Variants in CA10 observed in about 807,000 individuals in gnomAD.
CA10 encodes the protein carbonic anhydrase 10 (inactive), also known as carbonic anhydrase-related protein 10.
Under a neutral mutation model 44.2 loss-of-function variants are expected in CA10, and 14 were observed. The observed-to-expected ratio is 0.32, with a 90% CI of 0.21 to 0.50. The LOEUF is 0.50. Among genes scored for constraint, CA10 ranks in the 20% least tolerant of loss-of-function variants. The pLI, the probability that CA10 is intolerant of heterozygous loss-of-function variation, is 0.99. For synonymous variants in CA10, 159 were observed against 141.6 expected, an observed-to-expected ratio of 1.12 and a Z score of -0.87; for missense variants, 350 against 409.7, an observed-to-expected ratio of 0.85 and a Z score of 1.26.
intron 3 of CA10, among the ~76,000 whole-genome samples, chr17:51,858,543 T>A (rs568178893): frequency 5.8e-4 from 89 of 152,322 alleles, no homozygotes; most frequent in Middle Eastern, 3.4e-3. Context: ...ATAAAAGTTG[T>A]TTACAAGGGC....
chr17:51,709,020 T>G (rs1231347604), intron 4 of CA10, among the ~76,000 whole-genome samples: 2 of 152,232 alleles, frequency 1.3e-5, no homozygotes, highest in African/African-American at 4.8e-5. Flanking sequence ...TGTGAGTCAG[T>G]ACTCCTTAAT....
chr17:51,723,574 A>T (rs55884938), intron 4 of CA10, among the ~76,000 whole-genome samples: 58,480 of 151,930 alleles, frequency 0.38, 11,827 homozygotes, highest in Middle Eastern at 0.5. Context: ...AACATTGTAT[A>T]ATATCAAGGA....
At chr17:52,095,011 A>G (rs1988368679) in intron 1 of CA10, among the ~76,000 whole-genome samples, 1 of 152,210 alleles carries the variant, frequency 6.6e-6, no homozygotes, top group African/African-American at 2.4e-5. Flanking sequence ...ACTAAAACAC[A>G]TGTACAAGAA....
chr17:51,947,517 G>T (rs1983328733), intron 2 of CA10, among the ~76,000 whole-genome samples: 1 of 152,166 alleles, frequency 6.6e-6, no homozygotes, highest in Admixed American at 6.5e-5. Context: ...CCAGCAAACA[G>T]ACAGATGTTT....
chr17:51,756,766 G>A (rs1905093501), intron 3 of CA10, among the ~76,000 whole-genome samples: 1 of 152,134 alleles, frequency 6.6e-6, no homozygotes, highest in African/African-American at 2.4e-5. Flanking sequence ...GTGAGCCACT[G>A]TGCCCAGCCA....
intron 1 of CA10, among the ~76,000 whole-genome samples, chr17:52,103,217 C>G (rs1293668656): frequency 6.6e-6 from 1 of 152,204 alleles, no homozygotes; most frequent in Non-Finnish European, 1.5e-5. Flanking sequence ...GACTTCTCCA[C>G]TATTTAGCGC....
At chr17:52,017,729 G>A (rs1231948653) in intron 2 of CA10, among the ~76,000 whole-genome samples, 1 of 152,082 alleles carries the variant, frequency 6.6e-6, no homozygotes, top group Non-Finnish European at 1.5e-5. Flanking sequence ...CAGGAGAATA[G>A]ACCAAGCAGG....
intron 4 of CA10, 121 bp from the exon 5 acceptor site, chr17:51,653,857 A>T (rs1597964872): frequency 3.0e-6 from 2 of 660,536 alleles, no homozygotes; most frequent in East Asian, 5.4e-5. Context: ...TTGGAAGACA[A>T]TTTTAATTGA....
chr17:51,813,824 A>G (rs1907466759), intron 3 of CA10, among the ~76,000 whole-genome samples: 1 of 152,208 alleles, frequency 6.6e-6, no homozygotes, highest in Non-Finnish European at 1.5e-5. Flanking sequence ...TACTTTGTAG[A>G]TAGGAGAATA....
At chr17:51,874,721 A>T (rs1979975751) in intron 3 of CA10, among the ~76,000 whole-genome samples, 1 of 152,232 alleles carries the variant, frequency 6.6e-6, no homozygotes, top group South Asian at 2.1e-4. Flanking sequence ...CCACTGCAAG[A>T]TTATTACAAA....
intron 1 of CA10, among the ~76,000 whole-genome samples, chr17:52,125,781 G>A (rs1397524742): frequency 6.6e-6 from 1 of 151,770 alleles, no homozygotes; most frequent in East Asian, 1.9e-4. Context: ...CATCTTTTCA[G>A]GTTCCATTCT....
At chr17:51,916,143 C>CAG (rs1981989699) in intron 3 of CA10, among the ~76,000 whole-genome samples, 1 of 141,314 alleles carries the variant, frequency 7.1e-6, no homozygotes, top group African/African-American at 2.6e-5. Context: ...CTGCTGGAAA[C>CAG]AGTGTCATTG....
At chr17:51,834,114 A>G (rs1276001492) in intron 3 of CA10, among the ~76,000 whole-genome samples, 3 of 152,228 alleles carry the variant, frequency 2.0e-5, no homozygotes, top group Non-Finnish European at 4.4e-5. Context: ...GTTCAGCATC[A>G]TTAGGGGAAG....
chr17:51,951,787 C>A (rs983753445), intron 2 of CA10, among the ~76,000 whole-genome samples: 4 of 152,298 alleles, frequency 2.6e-5, no homozygotes, highest in African/African-American at 9.6e-5. Flanking sequence ...AAAATCTGAT[C>A]TTCAAGACAA....
At chr17:51,780,697 G>A (rs1489369602) in intron 3 of CA10, among the ~76,000 whole-genome samples, 5 of 152,138 alleles carry the variant, frequency 3.3e-5, no homozygotes, top group East Asian at 1.9e-4. Context: ...CTAACTCCTC[G>A]AAAAATTAGG....
chr17:51,933,904 AC>A (rs1314664079), intron 2 of CA10, among the ~76,000 whole-genome samples: 1 of 151,970 alleles, frequency 6.6e-6, no homozygotes, highest in African/African-American at 2.4e-5. Flanking sequence ...CCCAAAAAGT[AC>A]CCCCGCAAAA....
intron 3 of CA10, among the ~76,000 whole-genome samples, chr17:51,839,917 G>T (rs1455325736): frequency 6.6e-6 from 1 of 152,158 alleles, no homozygotes; most frequent in Non-Finnish European, 1.5e-5. Context: ...ATTGTTGCAA[G>T]TTTCTTCCTT....
intron 3 of CA10, among the ~76,000 whole-genome samples, chr17:51,842,252 A>G (rs984507099): frequency 6.6e-5 from 10 of 152,146 alleles, no homozygotes; most frequent in Non-Finnish European, 1.3e-4. Flanking sequence ...TATTTTTTTT[A>G]AAGAGAAAAA....
At chr17:52,131,133 T>C (rs1989229932) in intron 1 of CA10, among the ~76,000 whole-genome samples, 1 of 151,792 alleles carries the variant, frequency 6.6e-6, no homozygotes. Context: ...TAAACATAAA[T>C]ATTATTGTTT....
Sources: allele counts gnomAD v4.1 joint callset (sites outside exome capture counted in the v4.1 genomes callset), GRCh38; gene constraint gnomAD v4.1.1; transcripts MANE v1.5; gene names NCBI Gene and HGNC (gene_info 2026-07-23, HGNC 2026-07-21).